TTLL11: variants seen among roughly 807,000 people sequenced by gnomAD.
TTLL11 encodes tubulin tyrosine ligase like 11, also known as tubulin polyglutamylase TTLL11.
TTLL11 carries 42 observed loss-of-function variants against 51.7 expected under a neutral mutation model. The observed-to-expected ratio is 0.81, with a 90% confidence interval of 0.64 to 1.05. The LOEUF (loss-of-function observed/expected upper bound fraction) is 1.05. TTLL11 is among the 50% of genes least tolerant of loss of function. TTLL11 has a pLI of 0.00. For missense variants in TTLL11, 799 were observed against 940.4 expected (o/e 0.85, Z 1.97); for synonymous variants, 381 against 383.5 (o/e 0.99, Z 0.08).
intron 2 of TTLL11, among the ~76,000 whole-genome samples, chr9:122,039,005 C>T (rs567421575): frequency 6.6e-6 from 1 of 152,200 alleles, no homozygotes; most frequent in East Asian, 1.9e-4. Flanking sequence ...GAATATATTC[C>T]TCTCATTAGA....
intron 6 of TTLL11, among the ~76,000 whole-genome samples, chr9:121,894,135 G>T (rs190603386): frequency 6.6e-6 from 1 of 152,172 alleles, no homozygotes; most frequent in Non-Finnish European, 1.5e-5. Context: ...CTGGGCACGG[G>T]GTCTATAAAA....
At chr9:121,905,077 AT>A (rs1474538716) in intron 6 of TTLL11, among the ~76,000 whole-genome samples, 1 of 152,180 alleles carries the variant, frequency 6.6e-6, no homozygotes, top group Non-Finnish European at 1.5e-5. Context: ...TATGCTGTAC[AT>A]TGCTCACTAG....
At chr9:121,894,587 T>C (rs534153061) in intron 6 of TTLL11, among the ~76,000 whole-genome samples, 29 of 152,332 alleles carry the variant, frequency 1.9e-4, no homozygotes, top group African/African-American at 6.7e-4. Context: ...GAAGAGTTCA[T>C]GTCCTTTGCA....
At chr9:122,073,129 G>A (rs1402013030) in intron 1 of TTLL11, among the ~76,000 whole-genome samples, 1 of 152,148 alleles carries the variant, frequency 6.6e-6, no homozygotes, top group Non-Finnish European at 1.5e-5. Context: ...CTGGTGGGAG[G>A]CCAGGGGTGG....
intron 6 of TTLL11, among the ~76,000 whole-genome samples, chr9:121,964,294 GT>G (rs1842333097): frequency 1.5e-5 from 2 of 134,028 alleles, no homozygotes; most frequent in Non-Finnish European, 3.1e-5. Flanking sequence ...CCTTTTTTTT[GT>G]TTTTTGTTTT....
At chr9:122,081,075 A>G (rs1845993628) in intron 1 of TTLL11, among the ~76,000 whole-genome samples, 2 of 152,246 alleles carry the variant, frequency 1.3e-5, no homozygotes, top group Non-Finnish European at 2.9e-5. Context: ...TAAGCAATGT[A>G]CAAGGATTAT....
intron 1 of TTLL11, among the ~76,000 whole-genome samples, chr9:122,053,678 T>G (rs775009420): frequency 6.6e-6 from 1 of 152,004 alleles, no homozygotes; most frequent in Non-Finnish European, 1.5e-5. Context: ...GAAAAAAGTA[T>G]GCGCAGGGAG....
chr9:121,972,027 T>C (rs1180449759), intron 6 of TTLL11, among the ~76,000 whole-genome samples: 1 of 151,872 alleles, frequency 6.6e-6, no homozygotes, highest in Non-Finnish European at 1.5e-5. Context: ...AAATACCTAA[T>C]GTAGATGACA....
chr9:121,840,407 T>C lies in TTLL11; in HGVS notation c.1841-17528A>G, dbSNP rs1837315296. On this transcript the variant is annotated intron_variant, in intron 8 of 8. Transcript: ENST00000321582. Reference sequence around the variant, plus strand: ...AGATCATACAGCTTCTTTTTTCTTTTCTGAGACAGGGTCTCGCTTTGTCAC... The same window carrying C: ...AGATCATACAGCTTCTTTTTTCTTTCCTGAGACAGGGTCTCGCTTTGTCAC... Among the ~76,000 whole-genome samples, 2 of 152,192 alleles carry C rather than the reference T, an allele frequency of 1.3e-5. 1 individual carries two copies. The highest frequency in any genetic ancestry group is 4.8e-5 in the African/African-American group (2 of 41,452).
intron 8 of TTLL11, among the ~76,000 whole-genome samples, chr9:121,827,337 C>T (rs1227765662): frequency 1.3e-5 from 2 of 152,094 alleles, no homozygotes; most frequent in Non-Finnish European, 1.5e-5. Flanking sequence ...GCACAATCAC[C>T]GTCACCCTGA....
intron 1 of TTLL11, among the ~76,000 whole-genome samples, chr9:122,080,291 C>T (rs1424495033): frequency 6.6e-6 from 1 of 152,130 alleles, no homozygotes; most frequent in East Asian, 1.9e-4. Flanking sequence ...ATTGCTAAAA[C>T]TATTTTGGAA....
At chr9:121,921,255 G>A (rs972433034) in intron 6 of TTLL11, among the ~76,000 whole-genome samples, 2 of 152,018 alleles carry the variant, frequency 1.3e-5, no homozygotes, top group Non-Finnish European at 2.9e-5. Context: ...TCCTTGACTC[G>A]ACAAACATGA....
At chr9:121,913,231 T>C (rs1371840694) in intron 6 of TTLL11, among the ~76,000 whole-genome samples, 2 of 152,194 alleles carry the variant, frequency 1.3e-5, no homozygotes, top group African/African-American at 2.4e-5. Flanking sequence ...TTGCCCTTAG[T>C]CATCTTGACT....
chr9:121,872,084 G>T (rs951648631), intron 6 of TTLL11, among the ~76,000 whole-genome samples: 2 of 152,260 alleles, frequency 1.3e-5, no homozygotes, highest in African/African-American at 4.8e-5. Flanking sequence ...ACGTGCTGCT[G>T]TTAATGGTAC....
chr9:121,976,169 T>C (rs1355649111), intron 4 of TTLL11, among the ~76,000 whole-genome samples: 1 of 152,200 alleles, frequency 6.6e-6, no homozygotes, highest in African/African-American at 2.4e-5. Context: ...GGGCCCTGTG[T>C]GACACCCCTG....
intron 1 of TTLL11, among the ~76,000 whole-genome samples, chr9:122,061,853 G>A (rs1323998044): frequency 2.6e-5 from 4 of 152,154 alleles, no homozygotes; most frequent in African/African-American, 9.7e-5. Context: ...GGCCAGGCTG[G>A]TCTTGAACTC....
At chr9:121,832,425 TA>T (rs1306463080) in intron 8 of TTLL11, among the ~76,000 whole-genome samples, 1 of 152,178 alleles carries the variant, frequency 6.6e-6, no homozygotes, top group Non-Finnish European at 1.5e-5. Flanking sequence ...GTAATGAAAG[TA>T]AACAGTAATC....
intron 1 of TTLL11, among the ~76,000 whole-genome samples, chr9:122,085,897 T>A (rs898846746): frequency 3.3e-5 from 5 of 152,220 alleles, no homozygotes; most frequent in Admixed American, 3.3e-4. Flanking sequence ...TTAACCCACA[T>A]CTGTCTGATT....
intron 6 of TTLL11, among the ~76,000 whole-genome samples, chr9:121,944,201 T>C (rs1003917775): frequency 6.6e-6 from 1 of 152,210 alleles, no homozygotes; most frequent in East Asian, 1.9e-4. Flanking sequence ...ACTTCACTAG[T>C]ATAGCAAGAA....
Sources: gnomAD v4.1 joint callset for allele counts (sites outside exome capture counted in the v4.1 genomes callset) on GRCh38, gnomAD v4.1.1 for gene constraint, MANE v1.5 for transcripts, NCBI Gene and HGNC (gene_info 2026-07-23, HGNC 2026-07-21) for gene names.